Variants in CSMD2 observed in about 807,000 individuals in gnomAD.
The protein encoded by CSMD2 is CUB and sushi domain-containing protein 2.
In CSMD2, 130 loss-of-function variants were observed where a neutral mutation model predicts 398.5. The observed-to-expected ratio is 0.33, with a 90% CI of 0.28 to 0.38. The LOEUF (loss-of-function observed/expected upper bound fraction) is 0.38, where lower values mean the gene tolerates loss of function less well. Ranked by LOEUF, CSMD2 falls within the 10% of genes least tolerant of loss-of-function variation. CSMD2 has a pLI of 1.00. For missense variants in CSMD2, 3,829 were observed against 4,764.9 expected (o/e 0.80, Z 5.78); for synonymous variants, 1,828 against 1,908.5 (o/e 0.96, Z 1.10).
At chr1:33,971,037 A>G (rs995820599) in intron 3 of CSMD2, among the ~76,000 whole-genome samples, 3 of 152,028 alleles carry the variant, frequency 2.0e-5, no homozygotes. Flanking sequence ...CAACATAAAC[A>G]CTCAGCAAAT....
At chr1:33,616,453 G>A (rs1406271412) in intron 39 of CSMD2, among the ~76,000 whole-genome samples, 1 of 152,158 alleles carries the variant, frequency 6.6e-6, no homozygotes, top group Non-Finnish European at 1.5e-5. Context: ...GGCCAGGCTG[G>A]TCTCGAACTC....
At chr1:33,671,848 C>A (rs529714) in intron 25 of CSMD2, among the ~76,000 whole-genome samples, 1 of 152,118 alleles carries the variant, frequency 6.6e-6, no homozygotes, top group African/African-American at 2.4e-5. Context: ...TCTGAGATCA[C>A]GGTCCTCAGT....
At chr1:33,821,436 G>A (rs1246603338) in intron 7 of CSMD2, among the ~76,000 whole-genome samples, 1 of 152,134 alleles carries the variant, frequency 6.6e-6, no homozygotes, top group Non-Finnish European at 1.5e-5. Context: ...CTGGAGCCAG[G>A]CACACAGCCT....
intron 3 of CSMD2, among the ~76,000 whole-genome samples, chr1:34,025,678 C>T (rs1649554559): frequency 1.3e-5 from 2 of 152,122 alleles, no homozygotes; most frequent in Non-Finnish European, 1.5e-5. Flanking sequence ...GCTCTAAAGC[C>T]AACATCTCTG....
chr1:33,718,540 C>T (rs974888449), intron 19 of CSMD2, among the ~76,000 whole-genome samples: 6 of 152,104 alleles, frequency 3.9e-5, no homozygotes, highest in African/African-American at 1.4e-4. Context: ...AGACTAGGAC[C>T]CACCTGCTAC....
chr1:33,541,912 G>C (rs1219800509), intron 58 of CSMD2, among the ~76,000 whole-genome samples: 1 of 152,144 alleles, frequency 6.6e-6, no homozygotes, highest in East Asian at 1.9e-4. Flanking sequence ...TACCTACGAG[G>C]CCTCTGTAGG....
chr1:33,671,894 AT>A (rs1395192612), intron 25 of CSMD2, among the ~76,000 whole-genome samples: 1 of 152,194 alleles, frequency 6.6e-6, no homozygotes, highest in African/African-American at 2.4e-5. Context: ...CACACTAGGT[AT>A]TTTTTAAAAA....
At chr1:33,804,190 G>A (rs1655952967) in intron 10 of CSMD2, among the ~76,000 whole-genome samples, 2 of 152,190 alleles carry the variant, frequency 1.3e-5, no homozygotes, top group Non-Finnish European at 2.9e-5. Flanking sequence ...TACAATAAGA[G>A]CTATTATTGT....
At chr1:33,554,909 C>A (rs1570716403) in intron 55 of CSMD2, among the ~76,000 whole-genome samples, 1 of 152,098 alleles carries the variant, frequency 6.6e-6, no homozygotes, top group Non-Finnish European at 1.5e-5. Context: ...ATGTTGTTTC[C>A]ATGTCTGCTA....
intron 1 of CSMD2, among the ~76,000 whole-genome samples, chr1:34,092,967 A>G (rs1209720107): frequency 1.3e-5 from 2 of 152,110 alleles, no homozygotes; most frequent in African/African-American, 2.4e-5. Flanking sequence ...GCACAGACAA[A>G]CAAAAAGACA....
At chr1:33,646,589 T>C in intron 29 of CSMD2, 59 bp downstream of exon 29, 1 of 1,571,166 alleles carries the variant, frequency 6.4e-7, no homozygotes, top group Non-Finnish European at 8.7e-7. Flanking sequence ...CTACACTACT[T>C]GCCCTCTGCC....
At chr1:33,913,502 G>A (rs768524094) in intron 5 of CSMD2, among the ~76,000 whole-genome samples, 2 of 152,178 alleles carry the variant, frequency 1.3e-5, no homozygotes, top group Non-Finnish European at 2.9e-5. Context: ...CATTCCAGGA[G>A]TATTGTACTT....
At chr1:33,951,742 T>C (rs1444573302) in intron 3 of CSMD2, among the ~76,000 whole-genome samples, 2 of 152,228 alleles carry the variant, frequency 1.3e-5, no homozygotes, top group Admixed American at 6.5e-5. Flanking sequence ...AGACATTTAA[T>C]GTCCTACACA....
chr1:33,830,435 C>T (rs1270539156), intron 6 of CSMD2, among the ~76,000 whole-genome samples: 1 of 152,234 alleles, frequency 6.6e-6, no homozygotes, highest in Non-Finnish European at 1.5e-5. Context: ...CTCCAACAGA[C>T]TTGCAGCTGA....
chr1:33,534,289 A>G (rs1008444185), intron 62 of CSMD2, among the ~76,000 whole-genome samples: 1 of 152,232 alleles, frequency 6.6e-6, no homozygotes, highest in Non-Finnish European at 1.5e-5. Context: ...ATCACACTGG[A>G]ATGTTGTGAC....
intron 12 of CSMD2, among the ~76,000 whole-genome samples, chr1:33,779,595 G>A (rs1412259641): frequency 3.9e-5 from 6 of 152,124 alleles, no homozygotes; most frequent in African/African-American, 9.7e-5. Context: ...CTCTCTTCCC[G>A]AAATGAACAC....
intron 1 of CSMD2, among the ~76,000 whole-genome samples, chr1:34,160,891 G>A (rs796404): frequency 4.2e-3 from 643 of 152,274 alleles, no homozygotes; most frequent in Admixed American, 7.5e-3. Flanking sequence ...AAGCCATGAT[G>A]TAATTGGCAC....
intron 47 of CSMD2, among the ~76,000 whole-genome samples, chr1:33,582,184 G>T (rs898355834): frequency 2.0e-5 from 3 of 152,140 alleles, no homozygotes; most frequent in African/African-American, 4.8e-5. Context: ...GAAGGTCCTA[G>T]AACACAGAGG....
intron 3 of CSMD2, among the ~76,000 whole-genome samples, chr1:33,941,776 T>C (rs1149139): frequency 0.013 from 1,922 of 152,212 alleles, 19 homozygotes; most frequent in Non-Finnish European, 0.017. Context: ...CCCAAAGAGT[T>C]TTCTATACTT....
Sources: allele counts gnomAD v4.1 joint callset (sites outside exome capture counted in the v4.1 genomes callset), GRCh38; gene constraint gnomAD v4.1.1; transcripts MANE v1.5; gene names NCBI Gene and HGNC (gene_info 2026-07-23, HGNC 2026-07-21).